The following ZNF775 variants were observed in gnomAD, a reference collection of about 807,000 sequenced individuals.
The protein encoded by ZNF775 is zinc finger protein 775.
Under a neutral mutation model 2.4 loss-of-function variants are expected in ZNF775, and 1 was observed. That is an observed-to-expected ratio of 0.41 (90% CI 0.15 to 1.94). ZNF775 has a LOEUF of 1.94. Ranked by LOEUF, ZNF775 falls within the 30% of genes most tolerant of loss-of-function variation. The pLI, the probability that ZNF775 is intolerant of heterozygous loss-of-function variation, is 0.30. For synonymous variants in ZNF775, 381 were observed against 373.3 expected, an observed-to-expected ratio of 1.02 and a Z score of -0.24; for missense variants, 823 against 826.6, an observed-to-expected ratio of 1.00 and a Z score of 0.05.
intron 2 of ZNF775, among the ~76,000 whole-genome samples, chr7:150,393,240 A>T (rs1025171790): frequency 1.7e-4 from 26 of 152,222 alleles, no homozygotes; most frequent in Admixed American, 1.6e-3. Flanking sequence ...TACAGTGTGT[A>T]GCCTTTTATG....
Position 150,397,012 on chromosome 7 carries a change from C to A in ZNF775, c.531C>A (p.His177Gln). The change falls in exon 3 of 3, where the codon CAC becomes CAA. Residue 177 changes from histidine to glutamine, a missense_variant. By Grantham distance (24) the His-to-Gln change is conservative (BLOSUM62 0). Transcript: ENST00000329630. ...CGCGGCGCTTCAGCCAGAAGCAGCA[C>A]CTGCTCAAGCACCAGAAGACCCACT... ...ECARRFSQKQ[H>Q]LLKHQKTHSR... 1 of 1,599,204 alleles carries A rather than the reference C, an allele frequency of 6.3e-7. No individual in the cohort carries two copies. The highest frequency in any genetic ancestry group is 1.1e-5 in the South Asian group (1 of 90,812).
chr7:150,388,929 C>T (rs1800506906), intron 2 of ZNF775, among the ~76,000 whole-genome samples: 1 of 152,232 alleles, frequency 6.6e-6, no homozygotes, highest in Admixed American at 6.5e-5. Context: ...TCCTGGGGGT[C>T]ACTCAAAGTT....
chr7:150,385,535 C>T (rs1181353222), intron 1 of ZNF775, among the ~76,000 whole-genome samples: 2 of 150,040 alleles, frequency 1.3e-5, no homozygotes, highest in African/African-American at 4.9e-5. Context: ...ACTGCAAAGA[C>T]GGGAGCTCTG....
At chr7:150,385,044 T>A (rs530394783) in intron 1 of ZNF775, among the ~76,000 whole-genome samples, 1 of 152,240 alleles carries the variant, frequency 6.6e-6, no homozygotes, top group East Asian at 1.9e-4. Flanking sequence ...TTCAGGTGGA[T>A]GTTAAGTCCA....
chr7:150,380,951 C>T (rs1329411238), intron 1 of ZNF775, among the ~76,000 whole-genome samples: 1 of 152,212 alleles, frequency 6.6e-6, no homozygotes, highest in Non-Finnish European at 1.5e-5. Flanking sequence ...CTGAAGGGGT[C>T]CCTGCTCCAT....
Position 150,396,776 on chromosome 7 carries a change from T to A in ZNF775, c.295T>A (p.Ser99Thr). ...PGSASGPLSPSLSSGEGHFVC... is the reference protein window; with the variant it reads ...PGSASGPLSPTLSSGEGHFVC... ...GTCAGCCTCCGGCCCCCTGAGCCCC[T>A]CGCTTTCCTCCGGCGAGGGTCACTT... is the stretch of plus-strand genomic sequence containing the variant. The change falls in exon 3 of 3, where the codon TCG becomes ACG. Residue 99 changes from serine to threonine, a missense_variant. Ser to Thr is a moderately conservative substitution (Grantham distance 58). Transcript: ENST00000329630. The A allele has an allele frequency of 6.3e-7, 1 of 1,593,208 alleles. No individual in the cohort carries two copies. The highest frequency in any genetic ancestry group is 8.5e-7 in the Non-Finnish European group (1 of 1,170,832).
At chr7:150,390,709 T>C (rs1420488323) in intron 2 of ZNF775, among the ~76,000 whole-genome samples, 2 of 152,384 alleles carry the variant, frequency 1.3e-5, no homozygotes, top group East Asian at 1.9e-4. Context: ...AATTAAGTTA[T>C]TTTCCATTGT....
At chr7:150,381,960 G>T (rs1315590536) in intron 1 of ZNF775, among the ~76,000 whole-genome samples, 1 of 152,022 alleles carries the variant, frequency 6.6e-6, no homozygotes, top group Non-Finnish European at 1.5e-5. Flanking sequence ...GGTCATGGGG[G>T]GTGGGACAGG....
rs563206068 is a variant in ZNF775 at position 150,389,552 on chromosome 7, A to C, written c.31+1051A>C. On this transcript the variant is annotated intron_variant, in intron 2 of 2. Transcript: ENST00000329630. ...GAAATTCCAGTGGAACTCAGAGCAC[A>C]TGTGCCCAGCGTGTTATAGAAGGCC... Among the ~76,000 whole-genome samples the C allele has an allele frequency of 2.0e-5, 3 of 152,312 alleles. No individual in the cohort carries two copies. The East Asian group carries it at 5.8e-4, about 29-fold the overall frequency.
chr7:150,397,968 A>T lies in ZNF775; in HGVS notation c.1487A>T (p.His496Leu). ...AACCTGACGCGGCACCGGCGCAACC[A>T]CACAGGCGAGCGGCCCTACCTGTGT... The part of the protein sequence containing the change: ...KPNLTRHRRN[H>L]TGERPYLCPA... The change falls in exon 3 of 3, where the codon CAC becomes CTC. Residue 496 changes from histidine (H) to leucine (L), a missense_variant. By Grantham distance (99) the His-to-Leu change is moderately conservative. Transcript: ENST00000329630. The T allele has an allele frequency of 6.3e-7, 1 of 1,598,620 alleles. No homozygotes were observed. Among genetic ancestry groups the T allele is most frequent in the Non-Finnish European group, 8.5e-7 (1 of 1,177,988 alleles).
chr7:150,394,596 C>CTCTA (rs1204113368), intron 2 of ZNF775, among the ~76,000 whole-genome samples: 1 of 151,988 alleles, frequency 6.6e-6, no homozygotes, highest in East Asian at 1.9e-4. Context: ...TCTTTGTCAA[C>CTCTA]TTAGTTTCCT....
At chr7:150,385,712 C>T (rs897525201) in intron 1 of ZNF775, among the ~76,000 whole-genome samples, 2 of 152,210 alleles carry the variant, frequency 1.3e-5, no homozygotes, top group African/African-American at 4.8e-5. Flanking sequence ...CCTAAATTCA[C>T]CTCATAATTG....
At chr7:150,380,822 C>T (rs747570190) in intron 1 of ZNF775, among the ~76,000 whole-genome samples, 2 of 152,200 alleles carry the variant, frequency 1.3e-5, no homozygotes, top group African/African-American at 4.8e-5. Context: ...ATTTTAGCTA[C>T]GATTACCTTC....
At chr7:150,383,839 G>C (rs1163719243) in intron 1 of ZNF775, 1 of 152,690 alleles carries the variant, frequency 6.5e-6, no homozygotes, top group Non-Finnish European at 1.5e-5. Context: ...GACCTGGGGC[G>C]CTGAGGCTGT....
At position 150,397,827 on chromosome 7, in the gene ZNF775, A is replaced by G. The variant is rs971912098; in HGVS notation, c.1346A>G (p.Asn449Ser). The G allele has an allele frequency of 1.3e-6, 2 of 1,598,530 alleles. No individual in the cohort carries two copies. The highest frequency in any genetic ancestry group is 1.7e-6 in the Non-Finnish European group (2 of 1,176,206). Residue 449 changes from asparagine to serine, a missense_variant, in exon 3 of 3, where the codon AAC becomes AGC. Physicochemically the swap from Asn to Ser is conservative, Grantham distance 46. Transcript: ENST00000329630. ...GGCGAGCCGCGCCAGTTCATCTGCA[A>G]CGAGTGCGGCAAGAGCTTCTCGTGG... ...GPGEPRQFIC[N>S]ECGKSFSWWS...
chr7:150,385,688 C>T (rs983836495), intron 1 of ZNF775, among the ~76,000 whole-genome samples: 2 of 152,334 alleles, frequency 1.3e-5, no homozygotes, highest in Non-Finnish European at 2.9e-5. Flanking sequence ...ATTTGTCACA[C>T]GCAGGCAGGT....
chr7:150,397,287 T>A lies in ZNF775; in HGVS notation c.806T>A (p.Val269Asp). Residue 269 changes from valine to aspartate, a missense_variant, in exon 3 of 3, where the codon GTC (valine) becomes GAC (aspartate). Transcript: ENST00000329630. The stretch of plus-strand genomic sequence containing the variant: ...GGCCAGCCCGGGGCCCGGGCCGCGG[T>A]CTCCGGCCCCGAGGGGCCGGGCGAG... Reference protein sequence around the residue: ...WWGQPGARAAVSGPEGPGEPR... With the variant: ...WWGQPGARAADSGPEGPGEPR... 1 of 1,519,040 alleles carries A rather than the reference T, an allele frequency of 6.6e-7. No homozygotes were observed. The highest frequency in any genetic ancestry group is 8.8e-7 in the Non-Finnish European group (1 of 1,138,702). The allele number at this position is 1,519,040 out of a possible 1,614,324, so 94.1% of individuals were successfully genotyped here.
rs1800657990 is a variant in ZNF775, at chr7:150,396,593, GAGA to G, written c.115_117del (p.Lys39del). On this transcript the variant is annotated inframe_deletion, in exon 3 of 3. Transcript: ENST00000329630. ...GCTGGCGCCGCAGGCCATGCTTGTG[GAGA>G]AGGACAAGGAGAACATATTTCAGCA... 1 of 1,610,394 alleles carries G rather than the reference GAGA, an allele frequency of 6.2e-7. No homozygotes were observed. Among genetic ancestry groups the G allele is most frequent in the Non-Finnish European group, 8.5e-7 (1 of 1,179,242 alleles).
intron 1 of ZNF775, among the ~76,000 whole-genome samples, chr7:150,387,311 AAAG>A (rs1441830879): frequency 3.3e-5 from 5 of 151,326 alleles, no homozygotes; most frequent in Admixed American, 6.6e-5. Context: ...AAAAAAAAAA[AAAG>A]AAGCACAAGG....
Sources: gnomAD v4.1 joint callset for allele counts (sites outside exome capture counted in the v4.1 genomes callset) on GRCh38, gnomAD v4.1.1 for gene constraint, MANE v1.5 for transcripts, NCBI Gene and HGNC (gene_info 2026-07-23, HGNC 2026-07-21) for gene names.